The following ADAMTS13 variants were observed in gnomAD, a reference collection of about 807,000 sequenced individuals.
ADAMTS13 encodes the protein A disintegrin and metalloproteinase with thrombospondin motifs 13.
ADAMTS13 carries 110 observed loss-of-function variants against 155.1 expected under a neutral mutation model. That is an observed-to-expected ratio of 0.71 (90% CI 0.61 to 0.83). The LOEUF is 0.83. Ranked by LOEUF, ADAMTS13 falls within the 40% of genes least tolerant of loss-of-function variation. The probability of loss-of-function intolerance (pLI) is 0.00; values close to 1 mark genes in which losing one functional copy is unlikely to be tolerated. For missense variants in ADAMTS13, 1,707 were observed against 1,891.7 expected, an observed-to-expected ratio of 0.90 and a Z score of 1.81; for synonymous variants, 758 against 756.4, an observed-to-expected ratio of 1.00 and a Z score of -0.03.
At chr9:133,429,355 C>A (rs1294836434) in intron 7 of ADAMTS13, among the ~76,000 whole-genome samples, 3 of 145,914 alleles carry the variant, frequency 2.1e-5, no homozygotes, top group African/African-American at 5.1e-5. Context: ...TGGGCACGCA[C>A]CCCTCCGTCC....
Position 133,456,394 on chromosome 9 carries a change from A to G in ADAMTS13, c.3548-149A>G. On this transcript the variant is annotated intron_variant, in intron 26 of 28. Coordinates refer to ENST00000355699, the MANE Select transcript of ADAMTS13 (RefSeq NM_139027.6). This position sits in a 1 kb window ranked among gnomAD's most constrained non-coding sequence, Gnocchi z 4.4. ...TACAGATGAGGAAACTGAGGCTAGGAGAGATTAAGTGATGTGCCCAGTTAC... is the reference window on the plus strand; with the variant it reads ...TACAGATGAGGAAACTGAGGCTAGGGGAGATTAAGTGATGTGCCCAGTTAC... 7.3e-7 allele frequency: 1 copy of G among 1,365,286 alleles called. No homozygotes were observed. The highest frequency in any genetic ancestry group is 2.5e-5 in the East Asian group (1 of 40,212). The allele number at this position is 1,365,286 out of a possible 1,614,324, so 84.6% of individuals were successfully genotyped here. A position where few individuals can be genotyped will look rare whatever the true frequency, so the allele number is the denominator to read the frequency against.
In ADAMTS13 at chr9:133,443,235, G is replaced by A. The variant is rs587716556; in HGVS notation, c.2235-141G>A. 4.7e-6 allele frequency: 5 copies of A among 1,070,668 alleles called. No individual in the cohort carries two copies. In the African/African-American group the frequency reaches 4.7e-5, roughly 10 times the overall value. The allele number at this position is 1,070,668 out of a possible 1,614,324, so 66.3% of individuals were successfully genotyped here. The stretch of plus-strand genomic sequence containing the variant: ...CTCAGGCTCAGCCGTCTGGCAGCCT[G>A]GGAACACCTGGAGAGGCTAGGCTGG... On this transcript the variant is annotated intron_variant, in intron 18 of 28. Transcript: ENST00000355699.
In ADAMTS13 at chr9:133,440,470, C is replaced by T. The variant is rs782466560; in HGVS notation, c.1913C>T (p.Pro638Leu). Residue 638 changes from proline to leucine, a missense_variant, in exon 16 of 29, where the codon CCC becomes CTC. Pro to Leu is a moderately conservative substitution (Grantham distance 98). Coordinates refer to ENST00000355699, the MANE Select transcript of ADAMTS13 (RefSeq NM_139027.6). The surrounding 1 kb of genome is among the most constrained non-coding windows in gnomAD (Gnocchi z 4.3). Reference protein sequence around the residue: ...YRVALTEDRLPRLEEIRIWGP... With the variant: ...YRVALTEDRLLRLEEIRIWGP... ...GTGGCCCTCACCGAGGACCGGCTGC[C>T]CCGCCTGGAGGAGATCCGCATCTGG... The T allele has an allele frequency of 1.2e-6, 2 of 1,613,484 alleles. No homozygotes were observed. Among genetic ancestry groups the T allele is most frequent in the Admixed American group, 3.3e-5 (2 of 60,008 alleles).
rs1554796143 is a variant in ADAMTS13, at chr9:133,456,669, G to C, written c.3674G>C (p.Gly1225Ala). 1 of 1,595,750 alleles carries C rather than the reference G, an allele frequency of 6.3e-7. No homozygotes were observed. The highest frequency in any genetic ancestry group is 1.1e-5 in the South Asian group (1 of 88,674). Reference protein sequence around the residue: ...VRQRCGRPGGGVLLRYGSQLA... With the variant: ...VRQRCGRPGGAVLLRYGSQLA... ...CAGCGCTGCGGGCGGCCAGGAGGTG[G>C]GGTGCTGCTGCGGTATGGGAGCCAG... The change falls in exon 27 of 29, where the codon GGG becomes GCG. Residue 1225 changes from glycine (G) to alanine (A), a missense_variant. Transcript: ENST00000355699. This position sits in a 1 kb window ranked among gnomAD's most constrained non-coding sequence, Gnocchi z 4.4.
At chr9:133,422,800 G>C (rs587700577) in intron 1 of ADAMTS13, among the ~76,000 whole-genome samples, 2 of 151,998 alleles carry the variant, frequency 1.3e-5, no homozygotes, top group South Asian at 4.2e-4. Flanking sequence ...TGTGTAGGTT[G>C]CTCTTCTCTG....
chr9:133,447,711 C>T (rs1554793055), intron 21 of ADAMTS13, among the ~76,000 whole-genome samples: 1 of 152,094 alleles, frequency 6.6e-6, no homozygotes, highest in East Asian at 1.9e-4. Context: ...GCCTCAGCCT[C>T]CTGAGCAGCT....
rs1840217842 is a variant in ADAMTS13, at chr9:133,425,469, G to A, written c.331-60G>A. ...CTCCGGGGGCCCCTGGGAGTCAGCAGCTGCCTGGGGCTGGCAATGCCCACC... is the reference window on the plus strand; with the variant it reads ...CTCCGGGGGCCCCTGGGAGTCAGCAACTGCCTGGGGCTGGCAATGCCCACC... On this transcript the variant is annotated intron_variant, in intron 3 of 28. Transcript: ENST00000355699. The surrounding 1 kb of genome is among the most constrained non-coding windows in gnomAD (Gnocchi z 4.6). 3.3e-6 allele frequency: 5 copies of A among 1,512,218 alleles called. No individual in the cohort carries two copies. In the African/African-American group the frequency reaches 5.5e-5, roughly 17 times the overall value. 93.7% of individuals were successfully genotyped at this position (1,512,218 alleles called of 1,614,324 possible).
Position 133,440,667 on chromosome 9 carries a change from G to A in ADAMTS13, c.1968+142G>A. The A allele has an allele frequency of 9.4e-7, 1 of 1,064,898 alleles. No homozygotes were observed. The highest frequency in any genetic ancestry group is 1.3e-6 in the Non-Finnish European group (1 of 760,014). The allele number at this position is 1,064,898 out of a possible 1,614,324, so 66.0% of individuals were successfully genotyped here. A position where few individuals can be genotyped will look rare whatever the true frequency, so the allele number is the denominator to read the frequency against. The stretch of plus-strand genomic sequence containing the variant: ...CTTACAGGGGACCCACTATGTGTTG[G>A]GCCCTGTGCTAGGCAAAATGTAGCT... On this transcript the variant is annotated intron_variant, in intron 16 of 28. Transcript: ENST00000355699. The surrounding 1 kb of genome is among the most constrained non-coding windows in gnomAD (Gnocchi z 4.3).
At position 133,440,463 on chromosome 9, in the gene ADAMTS13, C is replaced by A; in HGVS notation, c.1906C>A (p.Arg636=). The A allele has an allele frequency of 6.2e-7, 1 of 1,613,502 alleles. No individual in the cohort carries two copies. Among genetic ancestry groups the A allele is most frequent in the Non-Finnish European group, 8.5e-7 (1 of 1,179,952 alleles). ...VEYRVALTED[R]LPRLEEIRIW... ...GTACAGAGTGGCCCTCACCGAGGACCGGCTGCCCCGCCTGGAGGAGATCCG... is the reference window on the plus strand; with the variant it reads ...GTACAGAGTGGCCCTCACCGAGGACAGGCTGCCCCGCCTGGAGGAGATCCG... Residue 636 remains arginine (R), a synonymous_variant, in exon 16 of 29, where the codon CGG becomes AGG. Coordinates refer to ENST00000355699, the MANE Select transcript of ADAMTS13 (RefSeq NM_139027.6). This position sits in a 1 kb window ranked among gnomAD's most constrained non-coding sequence, Gnocchi z 4.3.
Position 133,456,720 on chromosome 9 carries a change from G to A in ADAMTS13, c.3724+1G>A, listed in dbSNP as rs1554796161. The A allele has an allele frequency of 1.3e-6, 2 of 1,558,394 alleles. No individual in the cohort carries two copies. The highest frequency in any genetic ancestry group is 1.7e-4 in the Middle Eastern group (1 of 5,900). ...CTTGCTCCTGAAACCTTCTACAGAG[G>A]TATGGCCAGGCCTTCTCCACCTCCC... On this transcript the variant is annotated splice_donor_variant, in intron 27 of 28. Transcript: ENST00000355699. LOFTEE classifies it high-confidence loss of function. The surrounding 1 kb of genome is among the most constrained non-coding windows in gnomAD (Gnocchi z 4.4).
intron 1 of ADAMTS13, among the ~76,000 whole-genome samples, chr9:133,416,500 A>C (rs1839608878): frequency 1.3e-5 from 2 of 152,010 alleles, no homozygotes; most frequent in South Asian, 4.2e-4. Flanking sequence ...CGTGTGGGCT[A>C]CTCGGGAGGC....
chr9:133,417,213 C>A (rs987251998), upstream of ADAMTS13, among the ~76,000 whole-genome samples: 1 of 152,200 alleles, frequency 6.6e-6, no homozygotes, highest in Non-Finnish European at 1.5e-5. Flanking sequence ...CACGGGGTTT[C>A]ACCATGTTGG....
chr9:133,418,579 G>T (rs79297555), upstream of ADAMTS13, among the ~76,000 whole-genome samples: 1 of 152,238 alleles, frequency 6.6e-6, no homozygotes, highest in Non-Finnish European at 1.5e-5. Context: ...AGCTCTCTGA[G>T]TGAGCAATTC....
intron 2 of ADAMTS13, 100 bp downstream of exon 2, chr9:133,423,267 G>T: frequency 8.7e-7 from 1 of 1,152,514 alleles, no homozygotes. Flanking sequence ...GGTGGATCTG[G>T]AAGGAGAAGG....
intron 24 of ADAMTS13, among the ~76,000 whole-genome samples, chr9:133,454,856 G>A (rs1842645798): frequency 6.6e-6 from 1 of 151,716 alleles, no homozygotes; most frequent in African/African-American, 2.4e-5. Context: ...ATGAATGGCA[G>A]GCCACTCAGC....
intron 11 of ADAMTS13, among the ~76,000 whole-genome samples, chr9:133,434,754 T>C (rs1257326589): frequency 6.6e-6 from 1 of 152,218 alleles, no homozygotes; most frequent in Admixed American, 6.5e-5. Context: ...TCTGGAGTAC[T>C]CTGGAGTGAA....
Position 133,430,025 on chromosome 9 carries a change from A to T in ADAMTS13, c.911A>T (p.Tyr304Phe), listed in dbSNP as rs281875285. 2 of 1,592,376 alleles carry T rather than the reference A, an allele frequency of 1.3e-6. No homozygotes were observed. Among genetic ancestry groups the T allele is most frequent in the African/African-American group, 2.7e-5 (2 of 74,772 alleles). The change falls in exon 8 of 29, where the codon TAC (tyrosine) becomes TTC (phenylalanine). Residue 304 changes from tyrosine (Y) to phenylalanine (F), a missense_variant. Tyr to Phe is a conservative substitution (Grantham distance 22). Coordinates refer to ENST00000355699, the MANE Select transcript of ADAMTS13 (RefSeq NM_139027.6). Reference protein sequence around the residue: ...GHPPDAQPGLYYSANEQCRVA... With the variant: ...GHPPDAQPGLFYSANEQCRVA... ...CCGCCGGATGCGCAGCCTGGCCTCT[A>T]CTACAGCGCCAACGAGCAGTGCCGC...
chr9:133,437,454 C>T (rs1045063946), intron 12 of ADAMTS13, among the ~76,000 whole-genome samples: 6 of 152,268 alleles, frequency 3.9e-5, no homozygotes, highest in Admixed American at 6.5e-5. Context: ...GATGGGGTTT[C>T]GCCATGTTGG....
chr9:133,442,822 T>C (rs1188382885), intron 18 of ADAMTS13, 79 bp downstream of exon 18: 19 of 1,516,002 alleles, frequency 1.3e-5, no homozygotes, highest in Admixed American at 2.0e-5. Flanking sequence ...CCCTGGCCTA[T>C]GGGGCCCATG....
Sources: gnomAD v4.1 joint callset for allele counts (sites outside exome capture counted in the v4.1 genomes callset) on GRCh38, gnomAD v4.1.1 for gene constraint, Gnocchi (gnomAD v3.1) non-coding constraint, MANE v1.5 for transcripts, NCBI Gene and HGNC (gene_info 2026-07-23, HGNC 2026-07-21) for gene names.